Variants in ZNF169 observed in about 807,000 individuals in gnomAD.
ZNF169 encodes zinc finger protein 169.
ZNF169 carries 11 observed loss-of-function variants against 12.0 expected under a neutral mutation model. The observed-to-expected ratio is 0.92, with a 90% CI of 0.58 to 1.52. The LOEUF (loss-of-function observed/expected upper bound fraction) is 1.52. ZNF169 is among the 40% of genes most tolerant of loss of function. The pLI is 0.00. For missense variants in ZNF169, 722 were observed against 744.0 expected, an observed-to-expected ratio of 0.97 and a Z score of 0.34; for synonymous variants, 302 against 286.5, an observed-to-expected ratio of 1.05 and a Z score of -0.55.
chr9:94,277,775 C>CA (rs1399617238), intron 1 of ZNF169, among the ~76,000 whole-genome samples: 1 of 151,402 alleles, frequency 6.6e-6, no homozygotes, highest in African/African-American at 2.4e-5. Context: ...ACTAAAAATA[C>CA]AAAAAAATTA....
chr9:94,267,123 G>A (rs187370298), intron 1 of ZNF169, among the ~76,000 whole-genome samples: 9 of 152,228 alleles, frequency 5.9e-5, no homozygotes, highest in African/African-American at 1.2e-4. Context: ...TTTCATAGAA[G>A]GAATCTGAGA....
At chr9:94,292,607 T>TTTGTGTGTGTGTGTG (rs386415517) in intron 3 of ZNF169, 140 bp downstream of exon 3, 23,748 of 674,382 alleles carry the variant, frequency 0.035, 247 homozygotes, top group Non-Finnish European at 0.039. Flanking sequence ...CACAGTGCAG[T>TTTGTGTGTGTGTGTG]TGTGTGTGTG....
chr9:94,267,157 A>G (rs1587669106), intron 1 of ZNF169, among the ~76,000 whole-genome samples: 1 of 152,214 alleles, frequency 6.6e-6, no homozygotes, highest in East Asian at 1.9e-4. Context: ...TGCCACGCCC[A>G]GCCATGGATT....
chr9:94,299,362 A>T (rs1831009847), intron 4 of ZNF169: 1 of 444,060 alleles, frequency 2.3e-6, no homozygotes, highest in East Asian at 3.5e-5. Flanking sequence ...ACAGTCAAGG[A>T]AGCCCAAAGC....
chr9:94,276,675 C>T (rs1416358831), intron 1 of ZNF169, among the ~76,000 whole-genome samples: 1 of 152,172 alleles, frequency 6.6e-6, no homozygotes, highest in Non-Finnish European at 1.5e-5. Context: ...AGGCGTGATC[C>T]ATCGCACCAG....
intron 2 of ZNF169, among the ~76,000 whole-genome samples, chr9:94,289,688 G>A (rs1298355620): frequency 6.6e-6 from 1 of 152,144 alleles, no homozygotes; most frequent in South Asian, 2.1e-4. Flanking sequence ...TACTCAGGAC[G>A]CTGAGGCAGG....
intron 4 of ZNF169, chr9:94,296,745 G>A (rs796949898): frequency 2.2e-6 from 1 of 457,066 alleles, no homozygotes; most frequent in African/African-American, 2.0e-5. Context: ...CAATACCACA[G>A]TTTTGATTAC....
chr9:94,275,535 T>C (rs1294400478), intron 1 of ZNF169, among the ~76,000 whole-genome samples: 1 of 152,230 alleles, frequency 6.6e-6, no homozygotes, highest in East Asian at 1.9e-4. Context: ...GTCAGTTCAC[T>C]TTTCCATTAA....
Position 94,299,948 on chromosome 9 carries a change from A to G in ZNF169, c.390A>G (p.Gln130=), listed in dbSNP as rs1470847702. 2 of 1,614,002 alleles carry G rather than the reference A, an allele frequency of 1.2e-6. No homozygotes were observed. The highest frequency in any genetic ancestry group is 2.7e-5 in the African/African-American group (2 of 74,894). ...GCTCATCTGCAGGAGGTGACTTCCA[A>G]CTAGAAGCTCCAAGATGCTCTAGTG... is the stretch of plus-strand genomic sequence containing the variant. The part of the protein sequence containing the change: ...FPSSSAGGDF[Q]LEAPRCSSEK... The change falls in exon 5 of 5, where the codon CAA becomes CAG. Residue 130 remains glutamine, a synonymous_variant. Transcript: ENST00000395395.
chr9:94,273,232 G>A (rs896401396), intron 1 of ZNF169, among the ~76,000 whole-genome samples: 5 of 151,804 alleles, frequency 3.3e-5, no homozygotes, highest in Admixed American at 1.3e-4. Flanking sequence ...ATGTAGTCCC[G>A]TTTGTCTATT....
At position 94,259,361 on chromosome 9, in the gene ZNF169, C is replaced by G. The variant is rs1451798269; in HGVS notation, c.-56+16C>G. ...CTGGTGCGTGGTGAGTGTCCTTTCA[C>G]AGTTCTGGTGAGCTAGCCCGGAGGT... On this transcript the variant is annotated intron_variant, in intron 1 of 4. Coordinates refer to ENST00000395395, the MANE Select transcript of ZNF169 (RefSeq NM_194320.4). 6.6e-6 allele frequency: 1 copy of G among 152,450 alleles called. No homozygotes were observed. The highest frequency in any genetic ancestry group is 1.5e-5 in the Non-Finnish European group (1 of 68,218). The allele number at this position is 152,450 out of a possible 1,614,324, so 9.4% of individuals were successfully genotyped here. A position where few individuals can be genotyped will look rare whatever the true frequency, so the allele number is the denominator to read the frequency against.
chr9:94,298,728 C>CAAAAAAAAAAAAA (rs59009101), intron 4 of ZNF169, among the ~76,000 whole-genome samples: 1 of 105,068 alleles, frequency 9.5e-6, no homozygotes, highest in East Asian at 2.9e-4. Context: ...GACTCTGTCT[C>CAAAAAAAAAAAAA]AAAAAAAAAA....
chr9:94,292,552 G>T, intron 3 of ZNF169, 85 bp downstream of exon 3: 1 of 1,541,262 alleles, frequency 6.5e-7, no homozygotes, highest in South Asian at 1.3e-5. Context: ...TTCTGACTCA[G>T]AAAAACAGTT....
At chr9:94,270,725 T>TA (rs1564083316) in intron 1 of ZNF169, among the ~76,000 whole-genome samples, 4 of 19,230 alleles carry the variant, frequency 2.1e-4, no homozygotes, top group African/African-American at 3.0e-4. Flanking sequence ...TATAATATTA[T>TA]ATATTATATA....
chr9:94,276,511 G>A (rs1351978659), intron 1 of ZNF169, among the ~76,000 whole-genome samples: 9 of 151,708 alleles, frequency 5.9e-5, no homozygotes, highest in Non-Finnish European at 7.4e-5. Context: ...CACCCACCTC[G>A]GCCTCCCAAA....
chr9:94,282,861 T>C (rs1321953463), intron 2 of ZNF169, among the ~76,000 whole-genome samples: 1 of 152,154 alleles, frequency 6.6e-6, no homozygotes, highest in East Asian at 1.9e-4. Flanking sequence ...GGTTGAGGTA[T>C]AATTCACATA....
intron 2 of ZNF169, among the ~76,000 whole-genome samples, chr9:94,282,762 A>G (rs1176194979): frequency 6.6e-6 from 1 of 152,188 alleles, no homozygotes; most frequent in Admixed American, 6.5e-5. Flanking sequence ...GAATAATGAT[A>G]CCTACAGCAT....
chr9:94,261,429 C>T (rs1211745707), intron 1 of ZNF169, among the ~76,000 whole-genome samples: 1 of 152,176 alleles, frequency 6.6e-6, no homozygotes, highest in African/African-American at 2.4e-5. Flanking sequence ...TGAGCCACTG[C>T]GCCCGGCCAA....
At chr9:94,287,875 G>GATAA (rs1233646830) in intron 2 of ZNF169, 9 of 999,544 alleles carry the variant, frequency 9.0e-6, no homozygotes, top group Admixed American at 1.7e-5. Flanking sequence ...GGGTCGATCT[G>GATAA]ATACTTGGCT....
Sources: gnomAD v4.1 joint callset for allele counts (sites outside exome capture counted in the v4.1 genomes callset) on GRCh38, gnomAD v4.1.1 for gene constraint, MANE v1.5 for transcripts, NCBI Gene and HGNC (gene_info 2026-07-23, HGNC 2026-07-21) for gene names.